The following ZNF638 variants were observed in gnomAD, a reference collection of about 807,000 sequenced individuals.
ZNF638 encodes the protein CTCL tumor antigen se33-1.
ZNF638 carries 46 observed loss-of-function variants against 195.6 expected under a neutral mutation model. The ratio of observed to expected loss-of-function variants is 0.24; its 90% CI spans 0.19 to 0.30. The LOEUF is 0.30. Among genes scored for constraint, ZNF638 ranks in the 10% least tolerant of loss-of-function variants. The pLI, the probability that ZNF638 is intolerant of heterozygous loss-of-function variation, is 1.00. For synonymous variants in ZNF638, 845 were observed against 772.0 expected (o/e 1.09, Z -1.57); for missense variants, 2,440 against 2,325.3 (o/e 1.05, Z -1.01).
Position 71,423,069 on chromosome 2 carries a change from A to G in ZNF638, c.3555A>G (p.Ser1185=), listed in dbSNP as rs1253765115. 1.2e-6 allele frequency: 2 copies of G among 1,614,182 alleles called. No homozygotes were observed. Among genetic ancestry groups the G allele is most frequent in the Non-Finnish European group, 1.7e-6 (2 of 1,180,006 alleles). The change falls in exon 22 of 28, where the codon TCA becomes TCG. Residue 1185 remains serine (S), a synonymous_variant. Transcript: ENST00000264447. The part of the protein sequence containing the change: ...KEEIPLVASA[S]VSIEQFTENA... ...AAATTCCTCTTGTAGCATCCGCTTCAGTCAGTATTGAACAATTCACTGAAA... is the reference window on the plus strand; with the variant it reads ...AAATTCCTCTTGTAGCATCCGCTTCGGTCAGTATTGAACAATTCACTGAAA...
chr2:71,363,109 G>A (rs1222429126), intron 3 of ZNF638, 44 bp from the exon 4 acceptor site: 2 of 1,424,248 alleles, frequency 1.4e-6, no homozygotes, highest in African/African-American at 2.9e-5. Flanking sequence ...GAGCCTTACA[G>A]TCTGATTTTA....
intron 10 of ZNF638, chr2:71,388,526 G>A (rs763527070): frequency 5.3e-5 from 38 of 714,942 alleles, no homozygotes; most frequent in Admixed American, 1.0e-4. Flanking sequence ...TTGGGGCTGC[G>A]TTCTCTCTTC....
intron 1 of ZNF638, among the ~76,000 whole-genome samples, chr2:71,341,040 A>T (rs902507453): frequency 2.0e-5 from 3 of 152,242 alleles, no homozygotes; most frequent in Admixed American, 6.5e-5. Flanking sequence ...ATATCTGTAA[A>T]GAAAATTAAG....
chr2:71,363,491 C>T (rs2079143298), intron 4 of ZNF638, among the ~76,000 whole-genome samples: 1 of 152,110 alleles, frequency 6.6e-6, no homozygotes, highest in African/African-American at 2.4e-5. Flanking sequence ...TCTGTATCCC[C>T]TAGGGGATTC....
chr2:71,332,446 T>C (rs1287765665), intron 1 of ZNF638, among the ~76,000 whole-genome samples: 1 of 152,130 alleles, frequency 6.6e-6, no homozygotes, highest in Non-Finnish European at 1.5e-5. Context: ...GAGGGAATGT[T>C]AGGATCCAGC....
At chr2:71,341,702 T>C (rs2078764684) in intron 1 of ZNF638, 1 of 152,216 alleles carries the variant, frequency 6.6e-6, no homozygotes, top group South Asian at 2.1e-4. Context: ...AACTCTTCGT[T>C]TTTCCAGGTT....
At chr2:71,367,436 T>TC (rs1272660106) in intron 6 of ZNF638, among the ~76,000 whole-genome samples, 1 of 140,148 alleles carries the variant, frequency 7.1e-6, no homozygotes, top group African/African-American at 2.6e-5. Flanking sequence ...TTTTAATTTT[T>TC]TTTTTTTTTT....
rs1172940924 is a variant in ZNF638, at chr2:71,426,856, GTTACTGTTC to G, written c.4989_4997del (p.Thr1664_Leu1666del). 1 of 1,614,060 alleles carries G rather than the reference GTTACTGTTC, an allele frequency of 6.2e-7. No homozygotes were observed. The highest frequency in any genetic ancestry group is 8.5e-7 in the Non-Finnish European group (1 of 1,179,936). On this transcript the variant is annotated inframe_deletion, in exon 24 of 28. Coordinates refer to ENST00000264447, the MANE Select transcript of ZNF638 (RefSeq NM_014497.5). Reference sequence around the variant, plus strand: ...CATTTCCCACAGTGAACCTAAAGATGTTACTGTTCTGTCAGTGGCTGAAGAACAAGATCT... The same window carrying G: ...CATTTCCCACAGTGAACCTAAAGATGTGTCAGTGGCTGAAGAACAAGATCT...
intron 1 of ZNF638, among the ~76,000 whole-genome samples, chr2:71,333,864 C>T (rs568911314): frequency 6.6e-6 from 1 of 152,270 alleles, no homozygotes; most frequent in South Asian, 2.1e-4. Flanking sequence ...TTGGCACATA[C>T]TAGGTGCTTA....
chr2:71,356,858 G>C (rs2079033263), intron 3 of ZNF638, among the ~76,000 whole-genome samples: 1 of 151,982 alleles, frequency 6.6e-6, no homozygotes, highest in Admixed American at 6.6e-5. Context: ...GAGGTTGGTG[G>C]TTCTATTAAT....
chr2:71,420,664 G>C lies in ZNF638; in HGVS notation c.3299+2025G>C, dbSNP rs544841831. On this transcript the variant is annotated intron_variant, in intron 21 of 27. Transcript: ENST00000264447. Reference sequence around the variant, plus strand: ...TATCTGTATCTCAAATGCCTTTCTGGAATCCTTTTCTGTTCCATTTCCCAG... The same window carrying C: ...TATCTGTATCTCAAATGCCTTTCTGCAATCCTTTTCTGTTCCATTTCCCAG... 2.0e-5 allele frequency among the ~76,000 whole-genome samples: 3 copies of C among 152,266 alleles called. No homozygotes were observed. In the East Asian group the frequency reaches 5.8e-4, roughly 29 times the overall value.
chr2:71,395,962 T>C (rs2079884538), intron 10 of ZNF638, 179 bp from the exon 11 acceptor site: 1 of 634,662 alleles, frequency 1.6e-6, no homozygotes, highest in Non-Finnish European at 2.8e-6. Flanking sequence ...GTATGCCTTT[T>C]GATACATCAA....
chr2:71,380,697 C>T (rs1489771289), intron 10 of ZNF638, 132 bp downstream of exon 10: 3 of 610,692 alleles, frequency 4.9e-6, no homozygotes, highest in Non-Finnish European at 8.2e-6. Context: ...TTAATTGGCC[C>T]CTGTATTAAG....
At chr2:71,350,294 C>G (rs373687218) in intron 2 of ZNF638, 23 bp downstream of exon 2, 27 of 1,591,364 alleles carry the variant, frequency 1.7e-5, no homozygotes, top group Non-Finnish European at 2.1e-5. Flanking sequence ...AAAAAAAGAT[C>G]ACTGTATAAT....
rs770107659 is a variant in ZNF638, at chr2:71,393,529, G to A, written c.2378-2612G>A. On this transcript the variant is annotated intron_variant, in intron 10 of 27. Transcript: ENST00000264447. ...AACACAGCTTCCTCAGACGACACAA[G>A]CCCCGGACATTACCTGGGGGATGCT... 4.2e-6 allele frequency: 3 copies of A among 717,958 alleles called. No homozygotes were observed. In the South Asian group the frequency reaches 4.4e-5, roughly 11 times the overall value. The allele number at this position is 717,958 out of a possible 1,614,324, so 44.5% of individuals were successfully genotyped here.
At chr2:71,427,894 A>G (rs2080571702) in intron 24 of ZNF638, among the ~76,000 whole-genome samples, 2 of 152,204 alleles carry the variant, frequency 1.3e-5, no homozygotes, top group South Asian at 4.1e-4. Flanking sequence ...CATAATTTCC[A>G]TTAAGAAAAT....
chr2:71,403,091 T>C (rs1040170846), intron 16 of ZNF638, among the ~76,000 whole-genome samples: 6 of 152,142 alleles, frequency 3.9e-5, no homozygotes, highest in African/African-American at 1.4e-4. Context: ...GTAAAATTAT[T>C]AAAATATTTG....
intron 27 of ZNF638, 94 bp downstream of exon 27, chr2:71,433,377 A>G: frequency 2.2e-6 from 2 of 910,990 alleles, no homozygotes; most frequent in Non-Finnish European, 1.7e-6. Flanking sequence ...CCCCCGCTTT[A>G]GGAGAATGTT....
intron 1 of ZNF638, among the ~76,000 whole-genome samples, chr2:71,340,083 A>G (rs2078738906): frequency 6.6e-6 from 1 of 152,160 alleles, no homozygotes; most frequent in African/African-American, 2.4e-5. Flanking sequence ...ATCTCTTAAC[A>G]TTGTGCATTA....
Sources: gnomAD v4.1 joint callset for allele counts (sites outside exome capture counted in the v4.1 genomes callset) on GRCh38, gnomAD v4.1.1 for gene constraint, MANE v1.5 for transcripts, NCBI Gene and HGNC (gene_info 2026-07-23, HGNC 2026-07-21) for gene names.